Variants in SIPA1L1 observed in about 807,000 individuals in gnomAD.
SIPA1L1 encodes signal-induced proliferation-associated 1-like protein 1.
SIPA1L1 carries 26 observed loss-of-function variants against 162.7 expected under a neutral mutation model. The ratio of observed to expected loss-of-function variants is 0.16; its 90% CI spans 0.12 to 0.22. SIPA1L1 has a LOEUF of 0.22. SIPA1L1 is among the 10% of genes least tolerant of loss of function. The probability of loss-of-function intolerance (pLI) is 1.00; values close to 1 mark genes in which losing one functional copy is unlikely to be tolerated. For synonymous variants in SIPA1L1, 829 were observed against 837.4 expected (o/e 0.99, Z 0.17); for missense variants, 1,874 against 2,241.0 (o/e 0.84, Z 3.31).
chr14:71,738,866 G>A (rs2085562385), intron 23 of SIPA1L1, 152 bp from the exon 24 acceptor site: 1 of 796,472 alleles, frequency 1.3e-6, no homozygotes, highest in South Asian at 2.1e-5. Flanking sequence ...GAGTGTCTTA[G>A]CACCTGATAC....
chr14:71,600,145 C>T (rs983539980), intron 5 of SIPA1L1, among the ~76,000 whole-genome samples: 3 of 152,120 alleles, frequency 2.0e-5, no homozygotes, highest in East Asian at 1.9e-4. Flanking sequence ...TTCTTGTTTT[C>T]GTTGCCTGTG....
intron 2 of SIPA1L1, among the ~76,000 whole-genome samples, chr14:71,450,018 T>G (rs984742743): frequency 2.0e-5 from 3 of 152,182 alleles, no homozygotes; most frequent in African/African-American, 7.2e-5. Context: ...AAAAATGATA[T>G]ATGTTCATTT....
At chr14:71,354,680 G>A (rs1227723746) in intron 2 of SIPA1L1, among the ~76,000 whole-genome samples, 2 of 151,950 alleles carry the variant, frequency 1.3e-5, no homozygotes, top group African/African-American at 4.8e-5. Context: ...GAGAGTCATC[G>A]TAGTAACTAC....
At chr14:71,371,058 A>G (rs1238898464) in intron 2 of SIPA1L1, among the ~76,000 whole-genome samples, 1 of 152,138 alleles carries the variant, frequency 6.6e-6, no homozygotes, top group Non-Finnish European at 1.5e-5. Flanking sequence ...GGGGAAGTTG[A>G]TCTTTAATTC....
At chr14:71,617,012 A>T (rs966283320) in intron 5 of SIPA1L1, among the ~76,000 whole-genome samples, 3 of 152,036 alleles carry the variant, frequency 2.0e-5, no homozygotes, top group African/African-American at 4.8e-5. Flanking sequence ...AATGAGTGTG[A>T]CTCACACTCT....
At chr14:71,392,232 A>G (rs1595186629) in intron 2 of SIPA1L1, among the ~76,000 whole-genome samples, 1 of 152,162 alleles carries the variant, frequency 6.6e-6, no homozygotes, top group Non-Finnish European at 1.5e-5. Context: ...TGTAGGATGG[A>G]AGCTGAGTGC....
chr14:71,550,777 C>G (rs1555456564), intron 4 of SIPA1L1, among the ~76,000 whole-genome samples: 1 of 151,932 alleles, frequency 6.6e-6, no homozygotes, highest in Non-Finnish European at 1.5e-5. Context: ...TTAACATGGT[C>G]AACAAAGAAT....
intron 12 of SIPA1L1, among the ~76,000 whole-genome samples, chr14:71,674,911 T>A (rs1156237511): frequency 6.6e-6 from 1 of 152,226 alleles, no homozygotes; most frequent in Admixed American, 6.5e-5. Context: ...AGTAACTTGC[T>A]AAGCTCATCT....
intron 4 of SIPA1L1, among the ~76,000 whole-genome samples, chr14:71,543,766 T>A (rs1163467067): frequency 6.6e-6 from 1 of 151,018 alleles, no homozygotes; most frequent in African/African-American, 2.4e-5. Flanking sequence ...CTTCGTTGTC[T>A]TTTAATTGCT....
chr14:71,520,321 G>A (rs1595881631), intron 3 of SIPA1L1, among the ~76,000 whole-genome samples: 1 of 152,126 alleles, frequency 6.6e-6, no homozygotes, highest in Non-Finnish European at 1.5e-5. Context: ...AATCAAAATT[G>A]TTTGTCACTG....
chr14:71,361,063 C>G (rs1254946693), intron 2 of SIPA1L1, among the ~76,000 whole-genome samples: 2 of 151,942 alleles, frequency 1.3e-5, no homozygotes, highest in East Asian at 3.8e-4. Flanking sequence ...TGGAGAAAGA[C>G]AGCAAACCTC....
chr14:71,657,816 C>A (rs2043191706), intron 8 of SIPA1L1, among the ~76,000 whole-genome samples: 1 of 151,976 alleles, frequency 6.6e-6, no homozygotes, highest in South Asian at 2.1e-4. Flanking sequence ...TTTTCACTGA[C>A]CCCAAGTTGA....
At chr14:71,700,701 TA>T (rs1597081064) in intron 14 of SIPA1L1, among the ~76,000 whole-genome samples, 1 of 152,148 alleles carries the variant, frequency 6.6e-6, no homozygotes, top group Admixed American at 6.5e-5. Flanking sequence ...GATGATATAA[TA>T]AGAGTTTTAT....
chr14:71,530,877 G>A (rs17767680), intron 4 of SIPA1L1, among the ~76,000 whole-genome samples: 25,049 of 152,118 alleles, frequency 0.16, 2,675 homozygotes, highest in Middle Eastern at 0.35. Flanking sequence ...ACTCAAAATC[G>A]TAAGGGAGTT....
At chr14:71,462,473 C>G (rs909481436) in intron 2 of SIPA1L1, among the ~76,000 whole-genome samples, 3 of 152,198 alleles carry the variant, frequency 2.0e-5, no homozygotes, top group African/African-American at 7.2e-5. Context: ...GTAACACACC[C>G]ACATGAGGAA....
intron 2 of SIPA1L1, among the ~76,000 whole-genome samples, chr14:71,378,171 C>T (rs564102572): frequency 1.1e-4 from 16 of 151,750 alleles, no homozygotes; most frequent in Non-Finnish European, 2.2e-4. Flanking sequence ...CTTTTAAAGA[C>T]TCAGCTTTTG....
chr14:71,492,672 C>T (rs1240259015), intron 2 of SIPA1L1, among the ~76,000 whole-genome samples: 1 of 152,120 alleles, frequency 6.6e-6, no homozygotes, highest in African/African-American at 2.4e-5. Flanking sequence ...GGAGCTCACT[C>T]TCTCGCCCAG....
At chr14:71,417,163 A>T (rs968914094) in intron 2 of SIPA1L1, among the ~76,000 whole-genome samples, 1 of 152,154 alleles carries the variant, frequency 6.6e-6, no homozygotes, top group East Asian at 1.9e-4. Context: ...TGTTATATGT[A>T]TTATATACTG....
chr14:71,491,814 C>A (rs35728730), intron 2 of SIPA1L1, among the ~76,000 whole-genome samples: 4 of 68,898 alleles, frequency 5.8e-5, no homozygotes, highest in East Asian at 7.9e-4. Flanking sequence ...ACACACACAC[C>A]CCTTCCCCCG....
Sources: allele counts gnomAD v4.1 joint callset (sites outside exome capture counted in the v4.1 genomes callset), GRCh38; gene constraint gnomAD v4.1.1; transcripts MANE v1.5; gene names NCBI Gene and HGNC (gene_info 2026-07-23, HGNC 2026-07-21).